Variants in ADGRL4 observed in about 807,000 individuals in gnomAD.
ADGRL4 encodes the protein EGF, latrophilin and seven transmembrane domain containing 1.
Under a neutral mutation model 74.8 loss-of-function variants are expected in ADGRL4, and 90 were observed. The ratio of observed to expected loss-of-function variants is 1.20; its 90% CI spans 1.02 to 1.43. ADGRL4 has a LOEUF of 1.43. ADGRL4 is among the 40% of genes most tolerant of loss of function. ADGRL4 has a pLI of 0.00. For synonymous variants in ADGRL4, 311 were observed against 279.2 expected, an observed-to-expected ratio of 1.11 and a Z score of -1.14; for missense variants, 881 against 814.3, an observed-to-expected ratio of 1.08 and a Z score of -1.00.
At chr1:78,914,107 C>G (rs1483148601) in intron 12 of ADGRL4, among the ~76,000 whole-genome samples, 2 of 151,814 alleles carry the variant, frequency 1.3e-5, no homozygotes, top group Non-Finnish European at 2.9e-5. Context: ...ATCTGGCATG[C>G]TTATAAGGGC....
chr1:78,984,874 C>T (rs968571106), intron 2 of ADGRL4, among the ~76,000 whole-genome samples: 14 of 151,448 alleles, frequency 9.2e-5, no homozygotes, highest in African/African-American at 3.4e-4. Flanking sequence ...AGAATGTCAA[C>T]GCTATAACCC....
chr1:78,957,297 T>G (rs1001907578), intron 2 of ADGRL4, among the ~76,000 whole-genome samples: 4 of 152,082 alleles, frequency 2.6e-5, no homozygotes, highest in Non-Finnish European at 4.4e-5. Flanking sequence ...TCACTTTAAA[T>G]CAAAAGCTAG....
intron 2 of ADGRL4, among the ~76,000 whole-genome samples, chr1:78,973,352 A>C (rs1409073801): frequency 6.6e-6 from 1 of 151,902 alleles, no homozygotes; most frequent in African/African-American, 2.4e-5. Flanking sequence ...TAATTGAATG[A>C]TTATTTGTGA....
At chr1:78,979,006 A>G (rs112564053) in intron 2 of ADGRL4, among the ~76,000 whole-genome samples, 2,244 of 152,076 alleles carry the variant, frequency 0.015, 45 homozygotes, top group African/African-American at 0.051. Flanking sequence ...TATGAGTTAC[A>G]TTTGAGAACA....
intron 2 of ADGRL4, among the ~76,000 whole-genome samples, chr1:78,975,980 T>C (rs1201537601): frequency 6.6e-6 from 1 of 151,804 alleles, no homozygotes; most frequent in East Asian, 1.9e-4. Context: ...AAAACAGTAA[T>C]CCCTGAAAGA....
chr1:78,923,649 AT>A (rs1384191912), intron 8 of ADGRL4, among the ~76,000 whole-genome samples: 3 of 151,986 alleles, frequency 2.0e-5, no homozygotes, highest in Non-Finnish European at 4.4e-5. Flanking sequence ...TTTTAAAAAA[AT>A]ATATAAATAA....
At chr1:78,907,928 A>G (rs1201752543) in intron 12 of ADGRL4, among the ~76,000 whole-genome samples, 1 of 151,950 alleles carries the variant, frequency 6.6e-6, no homozygotes, top group Non-Finnish European at 1.5e-5. Context: ...ATCAGGAGGA[A>G]TGATTTTTGC....
chr1:78,948,182 A>G (rs1649649231), intron 2 of ADGRL4, among the ~76,000 whole-genome samples: 1 of 152,124 alleles, frequency 6.6e-6, no homozygotes, highest in Non-Finnish European at 1.5e-5. Context: ...AATCCCTAGC[A>G]TTTGACCTGA....
chr1:78,965,098 T>C (rs1474975163), intron 2 of ADGRL4, among the ~76,000 whole-genome samples: 1 of 152,122 alleles, frequency 6.6e-6, no homozygotes, highest in Admixed American at 6.6e-5. Context: ...ATTCAAAATA[T>C]AGAAATCCTT....
intron 2 of ADGRL4, among the ~76,000 whole-genome samples, chr1:78,954,172 ATAAT>A (rs1181140985): frequency 6.6e-6 from 1 of 151,980 alleles, no homozygotes. Context: ...AAATAAATAA[ATAAT>A]AAATAAATAG....
chr1:78,945,202 A>G (rs2035727), intron 3 of ADGRL4, among the ~76,000 whole-genome samples: 2 of 145,022 alleles, frequency 1.4e-5, no homozygotes, highest in Non-Finnish European at 3.0e-5. Flanking sequence ...ATATATCTCA[A>G]TAGGGCACTA....
chr1:78,976,569 T>C (rs1046005980), intron 2 of ADGRL4, among the ~76,000 whole-genome samples: 5 of 151,788 alleles, frequency 3.3e-5, no homozygotes, highest in Non-Finnish European at 7.4e-5. Context: ...TATTTTTAAA[T>C]GATTACATGT....
rs757436750 is a variant in ADGRL4, at chr1:78,921,745, G to A, written c.1125C>T (p.Tyr375=). ...RYRSLCAFWN[Y]SPDTMNGSWS... ...AGCTGCCATTCATGGTATCAGGTGAGTAATTCCAAAATGCACATAGACTCC... is the reference window on the plus strand; with the variant it reads ...AGCTGCCATTCATGGTATCAGGTGAATAATTCCAAAATGCACATAGACTCC... The change falls in exon 9 of 15, where the codon TAC becomes TAT. Residue 375 remains tyrosine, a synonymous_variant. Coordinates refer to ENST00000370742, the MANE Select transcript of ADGRL4 (RefSeq NM_022159.4). The A allele has an allele frequency of 4.3e-5, 69 of 1,598,042 alleles. No homozygotes were observed. The highest frequency in any genetic ancestry group is 5.5e-5 in the Non-Finnish European group (64 of 1,173,084).
chr1:78,981,944 C>G (rs188345413), intron 2 of ADGRL4, among the ~76,000 whole-genome samples: 2 of 151,750 alleles, frequency 1.3e-5, no homozygotes, highest in Non-Finnish European at 2.9e-5. Flanking sequence ...CTTTTTACCT[C>G]TACTTTTAGT....
intron 7 of ADGRL4, among the ~76,000 whole-genome samples, chr1:78,930,138 G>A (rs1468799997): frequency 6.6e-6 from 1 of 151,258 alleles, no homozygotes; most frequent in Non-Finnish European, 1.5e-5. Context: ...ATGAAATAGT[G>A]TCTCTCCATG....
At chr1:78,984,520 AGCAGTCAGTGACAAAAG>A (rs1650456797) in intron 2 of ADGRL4, among the ~76,000 whole-genome samples, 1 of 151,768 alleles carries the variant, frequency 6.6e-6, no homozygotes, top group African/African-American at 2.4e-5. Flanking sequence ...TTGACATGAC[AGCAGTCAGTGACAAAAG>A]GCACAAAATG....
Position 78,917,847 on chromosome 1 carries a change from A to G in ADGRL4, c.1665T>C (p.Tyr555=). The change falls in exon 11 of 15, where the codon TAT becomes TAC. Residue 555 remains tyrosine (Y), a synonymous_variant. Transcript: ENST00000370742. The part of the protein sequence containing the change: ...VGFSAALGYR[Y]YGTTKVCWLS... ...TAACTTACACTTTGGTTGTGCCATA[A>G]TATCTGTATCCTAGTGCTGCCGAAA... is the stretch of plus-strand genomic sequence containing the variant. 1.2e-6 allele frequency: 2 copies of G among 1,612,558 alleles called. No homozygotes were observed. Among genetic ancestry groups the G allele is most frequent in the South Asian group, 1.1e-5 (1 of 91,046 alleles).
intron 3 of ADGRL4, among the ~76,000 whole-genome samples, chr1:78,944,500 A>G (rs938825926): frequency 2.0e-5 from 3 of 152,194 alleles, no homozygotes; most frequent in Non-Finnish European, 4.4e-5. Flanking sequence ...GTTATGCTAT[A>G]TTGCAATAAA....
chr1:78,966,037 G>C (rs1024845383), intron 2 of ADGRL4, among the ~76,000 whole-genome samples: 4 of 151,754 alleles, frequency 2.6e-5, no homozygotes, highest in African/African-American at 9.7e-5. Flanking sequence ...AAAGCTGTTT[G>C]AAATTTTGGT....
Sources: allele counts gnomAD v4.1 joint callset (sites outside exome capture counted in the v4.1 genomes callset), GRCh38; gene constraint gnomAD v4.1.1; transcripts MANE v1.5; gene names NCBI Gene and HGNC (gene_info 2026-07-23, HGNC 2026-07-21).